The following LTBP2 variants were observed in gnomAD, a reference collection of about 807,000 sequenced individuals.
LTBP2 encodes latent transforming growth factor beta binding protein 2, also known as latent-transforming growth factor beta-binding protein 2.
In LTBP2, 103 loss-of-function variants were observed where a neutral mutation model predicts 210.6. The observed-to-expected ratio is 0.49, with a 90% CI of 0.42 to 0.58. The LOEUF is 0.58. Ranked by LOEUF, LTBP2 falls within the 20% of genes least tolerant of loss-of-function variation. The probability of loss-of-function intolerance (pLI) is 0.00; values close to 1 mark genes in which losing one functional copy is unlikely to be tolerated. For missense variants in LTBP2, 2,313 were observed against 2,494.5 expected (o/e 0.93, Z 1.55); for synonymous variants, 1,007 against 1,015.0 (o/e 0.99, Z 0.15).
At chr14:74,532,677 G>T in intron 9 of LTBP2, 129 bp from the exon 10 acceptor site, 2 of 1,041,706 alleles carry the variant, frequency 1.9e-6, no homozygotes, top group Non-Finnish European at 2.9e-6. Flanking sequence ...TGTATTCAGT[G>T]GGATTCCTCT....
chr14:74,581,801 G>A (rs2088139892), intron 3 of LTBP2, among the ~76,000 whole-genome samples: 3 of 152,086 alleles, frequency 2.0e-5, no homozygotes, highest in African/African-American at 7.2e-5. Flanking sequence ...CGTGTGTCAT[G>A]GCAGCCATAG....
chr14:74,604,927 C>T (rs1353598084), intron 1 of LTBP2, among the ~76,000 whole-genome samples: 5 of 152,222 alleles, frequency 3.3e-5, no homozygotes, highest in Non-Finnish European at 5.9e-5. Flanking sequence ...AGTTTCCACC[C>T]GGCCCTGACT....
At chr14:74,518,207 G>A (rs2087159011) in intron 17 of LTBP2, among the ~76,000 whole-genome samples, 1 of 152,184 alleles carries the variant, frequency 6.6e-6, no homozygotes, top group Non-Finnish European at 1.5e-5. Flanking sequence ...CAGAGTCCTT[G>A]TGCAGATTAA....
chr14:74,552,155 G>A (rs369442781), intron 6 of LTBP2, 32 bp downstream of exon 6: 13 of 1,557,152 alleles, frequency 8.3e-6, no homozygotes, highest in Non-Finnish European at 1.1e-5. Flanking sequence ...CTCCTCCCAG[G>A]GTCCCGCCGG....
At chr14:74,564,485 C>T (rs1186583144) in intron 3 of LTBP2, among the ~76,000 whole-genome samples, 1 of 143,818 alleles carries the variant, frequency 7.0e-6, no homozygotes, top group East Asian at 2.0e-4. Flanking sequence ...ACCTCCGTCT[C>T]CCAGGTTCAA....
chr14:74,526,095 T>C lies in LTBP2; in HGVS notation c.2408A>G (p.His803Arg), dbSNP rs1176074742. The change falls in exon 14 of 36, where the codon CAT becomes CGT. Residue 803 changes from histidine (H) to arginine (R), a missense_variant. This residue lies in a region of LTBP2 where 1,867 missense variants were observed against 1,976.9 expected (regional missense o/e 0.94). Transcript: ENST00000261978. The stretch of plus-strand genomic sequence containing the variant: ...CTCACCTGTGACCCAGGCAGGTGCA[T>C]GAGTGACACTGGTCGTGACCTGCAC... Reference protein sequence around the residue: ...QAGQVTTSVTHAPAWVTGNAT... With the variant: ...QAGQVTTSVTRAPAWVTGNAT... 1 of 1,605,934 alleles carries C rather than the reference T, an allele frequency of 6.2e-7. No homozygotes were observed. Among genetic ancestry groups the C allele is most frequent in the Non-Finnish European group, 8.5e-7 (1 of 1,175,816 alleles).
chr14:74,548,105 G>A (rs748517423), intron 8 of LTBP2, among the ~76,000 whole-genome samples: 9 of 151,702 alleles, frequency 5.9e-5, no homozygotes, highest in Non-Finnish European at 1.3e-4. Context: ...CTGATCCACA[G>A]GGTTTAGCCT....
Position 74,549,979 on chromosome 14 carries a change from C to G in LTBP2, c.1687-14G>C. 1 of 1,549,394 alleles carries G rather than the reference C, an allele frequency of 6.5e-7. No homozygotes were observed. On this transcript the variant is annotated splice_polypyrimidine_tract_variant and intron_variant, in intron 7 of 35. Coordinates refer to ENST00000261978, the MANE Select transcript of LTBP2 (RefSeq NM_000428.3). ...AGGGTTGGCACACTGGAAGGAGAGG[C>G]CATGGACACCTGTGACCACCCCCCT... is the stretch of plus-strand genomic sequence containing the variant.
chr14:74,581,147 T>C (rs1273474663), intron 3 of LTBP2, among the ~76,000 whole-genome samples: 2 of 152,174 alleles, frequency 1.3e-5, no homozygotes, highest in African/African-American at 2.4e-5. Flanking sequence ...CCAGATCACA[T>C]AGGGCCACCC....
At chr14:74,560,941 C>T (rs1454418221) in intron 3 of LTBP2, among the ~76,000 whole-genome samples, 1 of 152,148 alleles carries the variant, frequency 6.6e-6, no homozygotes, top group Non-Finnish European at 1.5e-5. Context: ...TTGGTATTCA[C>T]AGGGGTCCTG....
At chr14:74,591,742 T>C (rs2139794497) in intron 2 of LTBP2, among the ~76,000 whole-genome samples, 1 of 152,354 alleles carries the variant, frequency 6.6e-6, no homozygotes, top group Middle Eastern at 3.4e-3. Context: ...TGGTCCATGA[T>C]GGTGGCTTCC....
At chr14:74,563,346 A>G (rs1392262868) in intron 3 of LTBP2, among the ~76,000 whole-genome samples, 1 of 152,232 alleles carries the variant, frequency 6.6e-6, no homozygotes, top group African/African-American at 2.4e-5. Context: ...TACATGAACA[A>G]GACTATTTAC....
At chr14:74,603,327 A>G (rs1450275296) in intron 2 of LTBP2, among the ~76,000 whole-genome samples, 1 of 152,172 alleles carries the variant, frequency 6.6e-6, no homozygotes, top group Admixed American at 6.5e-5. Flanking sequence ...GGGTTTCACC[A>G]TCTTGACCAG....
In LTBP2 at chr14:74,506,857, G is replaced by T. The variant is rs1200884866; in HGVS notation, c.3908-34C>A. The T allele has an allele frequency of 7.6e-6, 9 of 1,186,048 alleles. No individual in the cohort carries two copies. In the South Asian group the frequency reaches 1.2e-4, roughly 15 times the overall value. The allele number at this position is 1,186,048 out of a possible 1,614,324, so 73.5% of individuals were successfully genotyped here. The stretch of plus-strand genomic sequence containing the variant: ...CAGTGGGAACCAGGATAGAGGATGT[G>T]TGTGTGTGTGTGTGTGTGTGTGCGC... On this transcript the variant is annotated intron_variant, in intron 26 of 35. Coordinates refer to ENST00000261978, the MANE Select transcript of LTBP2 (RefSeq NM_000428.3).
chr14:74,609,719 C>G (rs1350574718), intron 1 of LTBP2, among the ~76,000 whole-genome samples: 1 of 152,232 alleles, frequency 6.6e-6, no homozygotes, highest in Non-Finnish European at 1.5e-5. Context: ...CTCAGCTCTT[C>G]AGCTACAGTT....
chr14:74,507,072 A>G, intron 26 of LTBP2, 107 bp downstream of exon 26: 1 of 1,591,146 alleles, frequency 6.3e-7, no homozygotes, highest in Non-Finnish European at 8.6e-7. Flanking sequence ...ACAAGCTACA[A>G]TCAGCTGCAA....
chr14:74,535,489 G>A (rs758006904), intron 9 of LTBP2, among the ~76,000 whole-genome samples: 8 of 152,190 alleles, frequency 5.3e-5, no homozygotes, highest in Non-Finnish European at 1.2e-4. Context: ...GGAAGCCTGA[G>A]TAGCTAAAGG....
intron 3 of LTBP2, among the ~76,000 whole-genome samples, chr14:74,585,264 A>G (rs2088188749): frequency 6.6e-6 from 1 of 152,158 alleles, no homozygotes; most frequent in Non-Finnish European, 1.5e-5. Flanking sequence ...GGTGCCGAGG[A>G]AACCGAAGGG....
rs1763328923 is a variant in LTBP2, at chr14:74,549,888, C to T, written c.1764G>A (p.Leu588=). 6.2e-7 allele frequency: 1 copy of T among 1,614,106 alleles called. No homozygotes were observed. Among genetic ancestry groups the T allele is most frequent in the Non-Finnish European group, 8.5e-7 (1 of 1,179,966 alleles). The change falls in exon 8 of 36, where the codon TTG becomes TTA. Residue 588 remains leucine (L), a synonymous_variant. Transcript: ENST00000261978. ...GSVGAFWGVT[L]CAPCPPRPAS... ...CTGGTCTGGGTGGGCATGGGGCACA[C>T]AAAGTCACCCCCCAGAAGGCTCCCA...
Sources: allele counts gnomAD v4.1 joint callset (sites outside exome capture counted in the v4.1 genomes callset), GRCh38; gene constraint gnomAD v4.1.1; regional missense constraint gnomAD v4.1.1; transcripts MANE v1.5; gene names NCBI Gene and HGNC (gene_info 2026-07-23, HGNC 2026-07-21).